TTC28: variants seen among roughly 807,000 people sequenced by gnomAD.
TTC28 encodes the protein tetratricopeptide repeat protein 28.
Under a neutral mutation model 198.0 loss-of-function variants are expected in TTC28, and 61 were observed. That is an observed-to-expected ratio of 0.31 (90% CI 0.25 to 0.38). The LOEUF is 0.38. Ranked by LOEUF, TTC28 falls within the 10% of genes least tolerant of loss-of-function variation. The pLI, the probability that TTC28 is intolerant of heterozygous loss-of-function variation, is 1.00. For missense variants in TTC28, 2,678 were observed against 3,164.0 expected (o/e 0.85, Z 3.69); for synonymous variants, 1,171 against 1,297.8 (o/e 0.90, Z 2.10).
At chr22:28,496,971 C>T (rs1006295735) in intron 2 of TTC28, among the ~76,000 whole-genome samples, 21 of 152,100 alleles carry the variant, frequency 1.4e-4, no homozygotes, top group Admixed American at 1.4e-3. Context: ...ACACTTTTAC[C>T]CCCAGATATC....
chr22:27,991,201 G>C (rs5762433), intron 19 of TTC28, among the ~76,000 whole-genome samples: 1 of 152,228 alleles, frequency 6.6e-6, no homozygotes, highest in Non-Finnish European at 1.5e-5. Context: ...CATGTCCCTA[G>C]GGCCCAACAG....
chr22:28,124,563 G>A (rs1942870410), intron 6 of TTC28, among the ~76,000 whole-genome samples: 1 of 152,192 alleles, frequency 6.6e-6, no homozygotes. Flanking sequence ...TACAGAACTT[G>A]CCGTAGGTCA....
intron 2 of TTC28, among the ~76,000 whole-genome samples, chr22:28,463,588 A>G (rs1370910364): frequency 6.6e-6 from 1 of 152,206 alleles, no homozygotes; most frequent in African/African-American, 2.4e-5. Flanking sequence ...CAGCCATAAA[A>G]AAGGATGAGT....
chr22:28,530,797 C>T (rs1223015553), intron 2 of TTC28, among the ~76,000 whole-genome samples: 2 of 152,096 alleles, frequency 1.3e-5, no homozygotes, highest in Non-Finnish European at 2.9e-5. Flanking sequence ...GAATTTCATA[C>T]CCAGCCAAAC....
At chr22:28,516,003 G>C (rs768762833) in intron 2 of TTC28, among the ~76,000 whole-genome samples, 1 of 151,798 alleles carries the variant, frequency 6.6e-6, no homozygotes, top group Non-Finnish European at 1.5e-5. Context: ...AAAATTAACC[G>C]GGCGTGGTCG....
intron 2 of TTC28, among the ~76,000 whole-genome samples, chr22:28,588,153 C>A (rs566093148): frequency 0.011 from 1,474 of 135,954 alleles, 27 homozygotes; most frequent in African/African-American, 0.036. Flanking sequence ...AAAAAAAAAA[C>A]AAACAAACAA....
chr22:28,217,274 AT>A (rs134171), intron 5 of TTC28, among the ~76,000 whole-genome samples: 10,660 of 152,122 alleles, frequency 0.07, 570 homozygotes, highest in Admixed American at 0.17. Context: ...CATGCAAAAA[AT>A]AAAAATAAAA....
intron 2 of TTC28, among the ~76,000 whole-genome samples, chr22:28,313,262 C>A (rs975620118): frequency 2.0e-5 from 3 of 152,168 alleles, no homozygotes; most frequent in African/African-American, 2.4e-5. Flanking sequence ...GACAGATTCA[C>A]AGGCGAATTC....
At chr22:27,992,402 C>G in intron 19 of TTC28, 185 bp downstream of exon 19, 1 of 633,660 alleles carries the variant, frequency 1.6e-6, no homozygotes, top group Admixed American at 3.0e-5. Context: ...CAGATGGAAA[C>G]AGCAGGTAAA....
At chr22:28,331,252 C>T (rs752062821) in intron 2 of TTC28, among the ~76,000 whole-genome samples, 6 of 152,160 alleles carry the variant, frequency 3.9e-5, no homozygotes, top group Non-Finnish European at 8.8e-5. Context: ...AACAGAGATT[C>T]AAACCCAGAA....
At chr22:28,003,932 T>C (rs1312012154) in intron 14 of TTC28, among the ~76,000 whole-genome samples, 1 of 152,222 alleles carries the variant, frequency 6.6e-6, no homozygotes, top group East Asian at 1.9e-4. Context: ...GTGTCCGTCA[T>C]GTGCCTACTG....
intron 22 of TTC28, 44 bp downstream of exon 22, chr22:27,985,205 A>G (rs369603007): frequency 7.4e-5 from 105 of 1,409,616 alleles, no homozygotes; most frequent in Non-Finnish European, 9.9e-5. Context: ...CAGGGAGAGC[A>G]TGGCAGGCCC....
In TTC28 at chr22:28,529,529, G is replaced by A. The variant is rs376684313; in HGVS notation, c.381+100023C>T. On this transcript the variant is annotated intron_variant, in intron 2 of 22. Transcript: ENST00000397906. Reference sequence around the variant, plus strand: ...AGCAGAAACTTCTGCAGACTTAAACGTCCCTGTCTGACAGCTTTGAAGAGT... The same window carrying A: ...AGCAGAAACTTCTGCAGACTTAAACATCCCTGTCTGACAGCTTTGAAGAGT... Among the ~76,000 whole-genome samples, 17 of 152,302 alleles carry A rather than the reference G, an allele frequency of 1.1e-4. 1 individual carries two copies. The highest frequency in any genetic ancestry group is 2.0e-4 in the Admixed American group (3 of 15,294).
At chr22:28,079,896 T>C (rs920756105) in intron 12 of TTC28, among the ~76,000 whole-genome samples, 36 of 152,134 alleles carry the variant, frequency 2.4e-4, no homozygotes, top group African/African-American at 7.7e-4. Flanking sequence ...CTGGCTAGTT[T>C]TAAAAATTTT....
At chr22:28,080,682 G>C (rs1038907032) in intron 12 of TTC28, among the ~76,000 whole-genome samples, 1 of 152,148 alleles carries the variant, frequency 6.6e-6, no homozygotes, top group Admixed American at 6.6e-5. Context: ...AAGTTTTCAA[G>C]AAGTTTGAAG....
chr22:28,068,843 A>G (rs1232919091), intron 12 of TTC28, among the ~76,000 whole-genome samples: 1 of 152,206 alleles, frequency 6.6e-6, no homozygotes, highest in Non-Finnish European at 1.5e-5. Flanking sequence ...CTCCAAGCCA[A>G]AGGACTTCTA....
At chr22:28,112,758 C>T (rs1942521978) in intron 6 of TTC28, among the ~76,000 whole-genome samples, 2 of 152,098 alleles carry the variant, frequency 1.3e-5, no homozygotes. Context: ...TTTCCAGGGC[C>T]GTCAGTCAGA....
chr22:28,060,851 TC>T (rs1432358203), intron 12 of TTC28, among the ~76,000 whole-genome samples: 1 of 152,196 alleles, frequency 6.6e-6, no homozygotes, highest in African/African-American at 2.4e-5. Flanking sequence ...GTAAAAGTGT[TC>T]CTATTTCTCC....
Position 28,629,922 on chromosome 22 carries a change from C to T in TTC28, c.103-92G>A, listed in dbSNP as rs1343924034. 41 of 1,177,090 alleles carry T rather than the reference C, an allele frequency of 3.5e-5. No homozygotes were observed. The East Asian group carries it at 7.7e-4, about 22-fold the overall frequency. The allele number at this position is 1,177,090 out of a possible 1,614,324, so 72.9% of individuals were successfully genotyped here. On this transcript the variant is annotated intron_variant, in intron 1 of 22. Coordinates refer to ENST00000397906, the MANE Select transcript of TTC28 (RefSeq NM_001145418.2). Reference sequence around the variant, plus strand: ...TTTGGATGTCTGTCCCCTCCAGTTGCACATTAAAATGTGATCCCCAGTATT... The same window carrying T: ...TTTGGATGTCTGTCCCCTCCAGTTGTACATTAAAATGTGATCCCCAGTATT...
Sources: gnomAD v4.1 joint callset for allele counts (sites outside exome capture counted in the v4.1 genomes callset) on GRCh38, gnomAD v4.1.1 for gene constraint, MANE v1.5 for transcripts, NCBI Gene and HGNC (gene_info 2026-07-23, HGNC 2026-07-21) for gene names.